HECW2: variants seen among roughly 807,000 people sequenced by gnomAD.
HECW2 encodes the protein E3 ubiquitin-protein ligase HECW2.
In HECW2, 61 loss-of-function variants were observed where a neutral mutation model predicts 175.2. The ratio of observed to expected loss-of-function variants is 0.35; its 90% CI spans 0.28 to 0.43. HECW2 has a LOEUF of 0.43. Ranked by LOEUF, HECW2 falls within the 20% of genes least tolerant of loss-of-function variation. The pLI is 1.00. For missense variants in HECW2, 1,524 were observed against 2,000.5 expected (o/e 0.76, Z 4.54); for synonymous variants, 671 against 731.0 (o/e 0.92, Z 1.32).
chr2:196,289,514 G>C (rs1690524617), intron 14 of HECW2: 1 of 152,082 alleles, frequency 6.6e-6, no homozygotes, highest in Non-Finnish European at 1.5e-5. Flanking sequence ...ATGCCAATCA[G>C]GTGTCCACAC....
chr2:196,295,389 A>G (rs1389700094), intron 13 of HECW2, among the ~76,000 whole-genome samples: 1 of 152,146 alleles, frequency 6.6e-6, no homozygotes, highest in Non-Finnish European at 1.5e-5. Flanking sequence ...TGTTTTCTGC[A>G]TTTGGCTCAG....
In HECW2 at chr2:196,317,090, T is replaced by C. The variant is rs1691725651; in HGVS notation, c.2434+184A>G. ...ACAGCTGCCCTTTCTTTCAGCATAATGGTGCCAGAGAAGAGTCATTGGCCT... is the reference window on the plus strand; with the variant it reads ...ACAGCTGCCCTTTCTTTCAGCATAACGGTGCCAGAGAAGAGTCATTGGCCT... On this transcript the variant is annotated intron_variant, in intron 10 of 28. Transcript: ENST00000644978. 8 of 536,506 alleles carry C rather than the reference T, an allele frequency of 1.5e-5. No homozygotes were observed. In the East Asian group the frequency reaches 1.7e-4, roughly 12 times the overall value. The allele number at this position is 536,506 out of a possible 1,614,324, so 33.2% of individuals were successfully genotyped here.
chr2:196,217,274 C>CA (rs1687511716), intron 26 of HECW2, 181 bp from the exon 27 acceptor site: 4 of 437,482 alleles, frequency 9.1e-6, no homozygotes, highest in Non-Finnish European at 1.6e-5. Context: ...AAAAGTTAAA[C>CA]AAAAACAACA....
chr2:196,290,536 C>T (rs1366286850), intron 14 of HECW2: 1 of 152,094 alleles, frequency 6.6e-6, no homozygotes, highest in East Asian at 1.9e-4. Context: ...CTTGGGTTTT[C>T]CCTGGACCTC....
At chr2:196,568,660 G>T (rs539308316) in intron 1 of HECW2, among the ~76,000 whole-genome samples, 26 of 152,210 alleles carry the variant, frequency 1.7e-4, no homozygotes, top group Admixed American at 8.5e-4. Context: ...TCCTGGCCTA[G>T]CAATATACAA....
At chr2:196,552,715 T>C (rs562840668) in intron 1 of HECW2, among the ~76,000 whole-genome samples, 21 of 152,316 alleles carry the variant, frequency 1.4e-4, no homozygotes, top group African/African-American at 5.1e-4. Flanking sequence ...CTTCCTCTCA[T>C]TCTTTCTCTG....
intron 15 of HECW2, among the ~76,000 whole-genome samples, chr2:196,276,376 GCTA>G (rs983753287): frequency 2.6e-5 from 4 of 152,172 alleles, no homozygotes; most frequent in African/African-American, 9.7e-5. Context: ...TCTCATAAAG[GCTA>G]CTACTACTAG....
At chr2:196,431,038 A>C (rs990967991) in intron 2 of HECW2, among the ~76,000 whole-genome samples, 3 of 152,202 alleles carry the variant, frequency 2.0e-5, no homozygotes, top group Non-Finnish European at 4.4e-5. Flanking sequence ...GAAAGTAGCC[A>C]AAGGAGGGGA....
chr2:196,549,277 A>T (rs988926063), intron 1 of HECW2, among the ~76,000 whole-genome samples: 1 of 152,332 alleles, frequency 6.6e-6, no homozygotes, highest in East Asian at 1.9e-4. Context: ...GGACCCCTGT[A>T]TGCGCTTTCC....
chr2:196,240,505 G>A lies in HECW2; in HGVS notation c.3708C>T (p.Tyr1236=), dbSNP rs1688407656. ...TATTTCTCTGCAGGTCTTTTCTGGA[G>A]TAGCCCATAATCTGATTAAAAGCAT... ...LEDAFNQIMG[Y]SRKDLQRNKL... is the part of the protein sequence containing the mutation. Residue 1236 remains tyrosine, a synonymous_variant, in exon 21 of 29, where the codon TAC becomes TAT. Coordinates refer to ENST00000644978, the MANE Select transcript of HECW2 (RefSeq NM_001348768.2). The A allele has an allele frequency of 6.2e-7, 1 of 1,612,588 alleles. No homozygotes were observed. Among genetic ancestry groups the A allele is most frequent in the African/African-American group, 1.3e-5 (1 of 74,868 alleles).
intron 15 of HECW2, among the ~76,000 whole-genome samples, chr2:196,274,422 A>AT (rs1327641845): frequency 6.6e-6 from 1 of 152,242 alleles, no homozygotes; most frequent in African/African-American, 2.4e-5. Context: ...TGCAGCAGCT[A>AT]AACAGCAGAC....
intron 14 of HECW2, among the ~76,000 whole-genome samples, chr2:196,279,722 G>A (rs774943517): frequency 9.2e-5 from 14 of 151,904 alleles, no homozygotes; most frequent in Non-Finnish European, 1.6e-4. Flanking sequence ...CAGTTTAGTC[G>A]CCCATTACAC....
chr2:196,458,515 C>T (rs1696606898), intron 1 of HECW2, among the ~76,000 whole-genome samples: 1 of 151,898 alleles, frequency 6.6e-6, no homozygotes, highest in Non-Finnish European at 1.5e-5. Flanking sequence ...AGTACTGAGG[C>T]AAATCATACA....
At chr2:196,541,537 G>A (rs1689213374) in intron 1 of HECW2, among the ~76,000 whole-genome samples, 1 of 152,124 alleles carries the variant, frequency 6.6e-6, no homozygotes, top group African/African-American at 2.4e-5. Flanking sequence ...TGAAAGCACG[G>A]AGGAAGGCTT....
rs1227498368 is a variant in HECW2, at chr2:196,271,211, G to C, written c.3317C>G (p.Thr1106Ser). Residue 1106 changes from threonine (T) to serine (S), a missense_variant, in exon 17 of 29, where the codon ACC (threonine) becomes AGC (serine). By Grantham distance (58) the Thr-to-Ser change is moderately conservative. Coordinates refer to ENST00000644978, the MANE Select transcript of HECW2 (RefSeq NM_001348768.2). ...TTGTTACCTGAGTGAGTGATTCCTGGTAAGATCAGGTTGACGCTCCTGTAG... is the reference window on the plus strand; with the variant it reads ...TTGTTACCTGAGTGAGTGATTCCTGCTAAGATCAGGTTGACGCTCCTGTAG... The part of the protein sequence containing the change: ...EILQERQPDL[T>S]RNHSLREKIQ... 1 of 1,601,552 alleles carries C rather than the reference G, an allele frequency of 6.2e-7. No individual in the cohort carries two copies. The highest frequency in any genetic ancestry group is 8.6e-7 in the Non-Finnish European group (1 of 1,168,838).
intron 7 of HECW2, among the ~76,000 whole-genome samples, chr2:196,321,951 C>A (rs1395343262): frequency 1.3e-5 from 2 of 152,164 alleles, no homozygotes; most frequent in Non-Finnish European, 2.9e-5. Context: ...AGAAAATAGA[C>A]ATTAATTACA....
chr2:196,568,678 C>T (rs1425352373), intron 1 of HECW2, among the ~76,000 whole-genome samples: 2 of 152,290 alleles, frequency 1.3e-5, no homozygotes, highest in South Asian at 2.1e-4. Flanking sequence ...CAATGTGATA[C>T]TCTTGCAATG....
intron 28 of HECW2, among the ~76,000 whole-genome samples, chr2:196,211,660 TGA>T (rs1559437804): frequency 2.0e-5 from 3 of 152,178 alleles, no homozygotes. Context: ...GAGAAAAGAA[TGA>T]GACTCACATT....
rs559860034 is a variant in HECW2 at position 196,294,927 on chromosome 2, G to A, written c.2815-2177C>T. Among the ~76,000 whole-genome samples, 7 of 152,234 alleles carry A rather than the reference G, an allele frequency of 4.6e-5. No individual in the cohort carries two copies. The South Asian group carries it at 1.5e-3, about 32-fold the overall frequency. On this transcript the variant is annotated intron_variant, in intron 13 of 28. Transcript: ENST00000644978. Reference sequence around the variant, plus strand: ...CTGAGATTTGTTGGTCATTATTATTGAAGTATAACCTAAATTATTCTGATT... The same window carrying A: ...CTGAGATTTGTTGGTCATTATTATTAAAGTATAACCTAAATTATTCTGATT...
Sources: allele counts gnomAD v4.1 joint callset (sites outside exome capture counted in the v4.1 genomes callset), GRCh38; gene constraint gnomAD v4.1.1; transcripts MANE v1.5; gene names NCBI Gene and HGNC (gene_info 2026-07-23, HGNC 2026-07-21).